ASTN2: variants seen among roughly 807,000 people sequenced by gnomAD.
ASTN2 encodes the protein astrotactin-2.
A neutral mutation model predicts 139.8 loss-of-function variants in ASTN2; 54 were observed. The ratio of observed to expected loss-of-function variants is 0.39; its 90% CI spans 0.31 to 0.48. The LOEUF is 0.48. Ranked by LOEUF, ASTN2 falls within the 20% of genes least tolerant of loss-of-function variation. The pLI is 0.95. For synonymous variants in ASTN2, 756 were observed against 719.5 expected, an observed-to-expected ratio of 1.05 and a Z score of -0.81; for missense variants, 1,565 against 1,725.1, an observed-to-expected ratio of 0.91 and a Z score of 1.64.
intron 2 of ASTN2, among the ~76,000 whole-genome samples, chr9:117,253,007 T>A (rs1239596571): frequency 1.3e-5 from 2 of 152,232 alleles, no homozygotes; most frequent in Non-Finnish European, 2.9e-5. Flanking sequence ...CTCTGTGAAA[T>A]GGGACCACTA....
At chr9:117,349,216 C>A (rs1356465339) in intron 1 of ASTN2, among the ~76,000 whole-genome samples, 1 of 152,162 alleles carries the variant, frequency 6.6e-6, no homozygotes, top group East Asian at 1.9e-4. Context: ...CACTCTAGTC[C>A]CTCCCAAGGA....
At chr9:117,358,965 G>A (rs1001419599) in intron 1 of ASTN2, among the ~76,000 whole-genome samples, 12 of 152,044 alleles carry the variant, frequency 7.9e-5, no homozygotes, top group African/African-American at 2.9e-4. Flanking sequence ...CTCCAACATC[G>A]GTGAATGGTG....
chr9:116,652,334 T>G (rs1857964872), intron 16 of ASTN2, among the ~76,000 whole-genome samples: 1 of 151,960 alleles, frequency 6.6e-6, no homozygotes, highest in Non-Finnish European at 1.5e-5. Context: ...TCAGAATAAA[T>G]AAATGAAAAA....
chr9:116,970,262 G>A (rs114090062), intron 10 of ASTN2, among the ~76,000 whole-genome samples: 82 of 152,234 alleles, frequency 5.4e-4, no homozygotes, highest in African/African-American at 1.9e-3. Context: ...GTTAAGATCT[G>A]ATGATACCTT....
chr9:116,620,511 G>C (rs1856084657), intron 17 of ASTN2, 68 bp from the exon 18 acceptor site: 1 of 1,590,364 alleles, frequency 6.3e-7, no homozygotes, highest in Non-Finnish European at 8.6e-7. Context: ...TAAATGTGCT[G>C]ATGGCCATGA....
At chr9:116,763,834 C>A (rs1420169797) in intron 13 of ASTN2, among the ~76,000 whole-genome samples, 1 of 152,092 alleles carries the variant, frequency 6.6e-6, no homozygotes, top group African/African-American at 2.4e-5. Context: ...CTTTTTTCTG[C>A]AACATGCAAA....
chr9:116,943,825 A>G (rs2132473746), intron 10 of ASTN2, among the ~76,000 whole-genome samples: 1 of 152,216 alleles, frequency 6.6e-6, no homozygotes, highest in Non-Finnish European at 1.5e-5. Flanking sequence ...CTTTTTCCAT[A>G]TTATCCCATC....
chr9:117,004,664 C>T (rs1837304417), intron 7 of ASTN2, among the ~76,000 whole-genome samples: 1 of 152,162 alleles, frequency 6.6e-6, no homozygotes, highest in Admixed American at 6.5e-5. Context: ...CTGACCTCTG[C>T]ACAGAGGCTG....
At chr9:117,385,934 T>A (rs1444764783) in intron 1 of ASTN2, among the ~76,000 whole-genome samples, 1 of 151,972 alleles carries the variant, frequency 6.6e-6, no homozygotes, top group Non-Finnish European at 1.5e-5. Flanking sequence ...CCCAGGAAGC[T>A]TTGGGGCCAG....
chr9:116,911,074 A>AT (rs1564336669), intron 10 of ASTN2, among the ~76,000 whole-genome samples: 3 of 152,294 alleles, frequency 2.0e-5, no homozygotes, highest in Admixed American at 2.0e-4. Flanking sequence ...TGATTCTGTG[A>AT]TTTTTATAGC....
chr9:116,929,860 T>C (rs997513745), intron 10 of ASTN2, among the ~76,000 whole-genome samples: 2 of 152,224 alleles, frequency 1.3e-5, no homozygotes, highest in African/African-American at 4.8e-5. Context: ...GCAAATTACA[T>C]TTTTGATTGA....
At chr9:117,089,077 T>C (rs1022856939) in intron 5 of ASTN2, among the ~76,000 whole-genome samples, 2 of 152,224 alleles carry the variant, frequency 1.3e-5, no homozygotes, top group African/African-American at 4.8e-5. Context: ...GGTTCGGTGC[T>C]GAGGCTCCAT....
intron 2 of ASTN2, among the ~76,000 whole-genome samples, chr9:117,216,787 T>C (rs1335602552): frequency 6.6e-6 from 1 of 151,634 alleles, no homozygotes; most frequent in Non-Finnish European, 1.5e-5. Flanking sequence ...AGAGAGGTGA[T>C]AGAGAGGGAG....
At chr9:117,226,165 C>A (rs1017539361) in intron 2 of ASTN2, among the ~76,000 whole-genome samples, 3 of 152,160 alleles carry the variant, frequency 2.0e-5, no homozygotes, top group Non-Finnish European at 2.9e-5. Flanking sequence ...GAAGAACATG[C>A]CCATCCAATC....
intron 10 of ASTN2, among the ~76,000 whole-genome samples, chr9:116,879,103 G>C (rs2132366170): frequency 6.6e-6 from 1 of 152,148 alleles, no homozygotes; most frequent in East Asian, 1.9e-4. Flanking sequence ...CACTGGCCTG[G>C]AGGCTCAGGT....
chr9:117,111,091 C>G (rs998997868), intron 4 of ASTN2, among the ~76,000 whole-genome samples: 3 of 152,162 alleles, frequency 2.0e-5, no homozygotes, highest in Non-Finnish European at 4.4e-5. Flanking sequence ...AAATTAACTG[C>G]CTTCAAAAAC....
chr9:116,677,031 A>T (rs1186639295), intron 16 of ASTN2, among the ~76,000 whole-genome samples: 1 of 152,244 alleles, frequency 6.6e-6, no homozygotes, highest in African/African-American at 2.4e-5. Context: ...AGGTAATAAG[A>T]GATTTGAAAT....
At position 116,564,183 on chromosome 9, in the gene ASTN2, T is replaced by C. The variant is rs142533591; in HGVS notation, c.3355+54141A>G. Among the ~76,000 whole-genome samples, 555 of 152,308 alleles carry C rather than the reference T, an allele frequency of 3.6e-3. 1 individual carries two copies. The highest frequency in any genetic ancestry group is 0.013 in the African/African-American group (537 of 41,564). ...CCTGATTCAAATAGTTAAAATGACA[T>C]AGGCCTGATTAACTTTTAGTGATCT... is the stretch of plus-strand genomic sequence containing the variant. On this transcript the variant is annotated intron_variant, in intron 19 of 22. Transcript: ENST00000313400.
intron 1 of ASTN2, among the ~76,000 whole-genome samples, chr9:117,357,405 C>T (rs1049975770): frequency 6.6e-6 from 1 of 152,014 alleles, no homozygotes; most frequent in African/African-American, 2.4e-5. Flanking sequence ...ATCACCGTGG[C>T]CACTGAGTGT....
Sources: gnomAD v4.1 joint callset for allele counts (sites outside exome capture counted in the v4.1 genomes callset) on GRCh38, gnomAD v4.1.1 for gene constraint, MANE v1.5 for transcripts, NCBI Gene and HGNC (gene_info 2026-07-23, HGNC 2026-07-21) for gene names.